GAREM1: variants seen among roughly 807,000 people sequenced by gnomAD.
GAREM1 encodes the protein GRB2-associated and regulator of MAPK protein 1.
GAREM1 carries 26 observed loss-of-function variants against 71.3 expected under a neutral mutation model. The ratio of observed to expected loss-of-function variants is 0.36; its 90% confidence interval spans 0.27 to 0.51. The LOEUF is 0.51. Ranked by LOEUF, GAREM1 falls within the 20% of genes least tolerant of loss-of-function variation. The pLI, the probability that GAREM1 is intolerant of heterozygous loss-of-function variation, is 0.95. For missense variants in GAREM1, 1,026 were observed against 1,103.1 expected (o/e 0.93, Z 0.99); for synonymous variants, 440 against 433.2 (o/e 1.02, Z -0.20).
intron 1 of GAREM1, among the ~76,000 whole-genome samples, chr18:32,454,881 T>G (rs2048873079): frequency 6.6e-6 from 1 of 152,158 alleles, no homozygotes; most frequent in Non-Finnish European, 1.5e-5. Context: ...TCAGACAAAA[T>G]TTTTGATCCA....
At chr18:32,421,861 T>C (rs2048522474) in intron 1 of GAREM1, among the ~76,000 whole-genome samples, 2 of 152,126 alleles carry the variant, frequency 1.3e-5, no homozygotes, top group Non-Finnish European at 2.9e-5. Context: ...AAGTTACCTT[T>C]CCAGCACATC....
intron 1 of GAREM1, among the ~76,000 whole-genome samples, chr18:32,398,993 C>T (rs1197676777): frequency 6.6e-6 from 1 of 152,164 alleles, no homozygotes; most frequent in East Asian, 1.9e-4. Context: ...GGCTTCATCC[C>T]TGGGATGCAA....
chr18:32,293,635 T>G (rs949360896), intron 3 of GAREM1, among the ~76,000 whole-genome samples: 1 of 152,148 alleles, frequency 6.6e-6, no homozygotes, highest in Admixed American at 6.5e-5. Context: ...AGATCCAAAT[T>G]TATAGGAGTT....
chr18:32,459,560 T>C (rs2048931894), intron 1 of GAREM1, among the ~76,000 whole-genome samples: 1 of 151,816 alleles, frequency 6.6e-6, no homozygotes, highest in Non-Finnish European at 1.5e-5. Context: ...CCTCCTAAAG[T>C]GCATGCTCTC....
intron 1 of GAREM1, among the ~76,000 whole-genome samples, chr18:32,394,618 G>A (rs2048233041): frequency 6.6e-6 from 1 of 152,148 alleles, no homozygotes; most frequent in Admixed American, 6.6e-5. Flanking sequence ...TTGAGAGGAT[G>A]TGGCCTGGCT....
intron 2 of GAREM1, among the ~76,000 whole-genome samples, chr18:32,379,323 G>A (rs1001408862): frequency 4.0e-5 from 6 of 151,794 alleles, no homozygotes; most frequent in African/African-American, 9.7e-5. Flanking sequence ...ATAGATCCAC[G>A]GACCTGCAGC....
chr18:32,292,338 T>C (rs1292054308), intron 3 of GAREM1, among the ~76,000 whole-genome samples: 2 of 152,110 alleles, frequency 1.3e-5, no homozygotes, highest in Non-Finnish European at 2.9e-5. Flanking sequence ...TTTGATGGGG[T>C]TGTTTTTTTC....
In GAREM1 at chr18:32,465,137, C is replaced by G. The variant is rs374113513; in HGVS notation, c.121+5171G>C. On this transcript the variant is annotated intron_variant, in intron 1 of 5. Coordinates refer to ENST00000269209, the MANE Select transcript of GAREM1 (RefSeq NM_001242409.2). Reference sequence around the variant, plus strand: ...GTATTCTTTAAATTATCATTCCCCCCACCCTGGCCATGTGTACTCTCTTAA... The same window carrying G: ...GTATTCTTTAAATTATCATTCCCCCGACCCTGGCCATGTGTACTCTCTTAA... Among the ~76,000 whole-genome samples the G allele has an allele frequency of 4.5e-3, 678 of 152,272 alleles. 2 individuals are homozygous for G. Among genetic ancestry groups the G allele is most frequent in the Middle Eastern group, 0.01 (3 of 294 alleles).
intron 1 of GAREM1, among the ~76,000 whole-genome samples, chr18:32,421,686 T>C (rs2048520910): frequency 6.6e-6 from 1 of 152,172 alleles, no homozygotes; most frequent in African/African-American, 2.4e-5. Context: ...TTTCTCACGC[T>C]TATTCTGTTG....
At chr18:32,403,138 C>G (rs1038491281) in intron 1 of GAREM1, among the ~76,000 whole-genome samples, 1 of 152,112 alleles carries the variant, frequency 6.6e-6, no homozygotes, top group Admixed American at 6.6e-5. Context: ...AAACTCATGG[C>G]CTCAAGTGAT....
chr18:32,444,221 A>G (rs2048766902), intron 1 of GAREM1, among the ~76,000 whole-genome samples: 1 of 152,236 alleles, frequency 6.6e-6, no homozygotes, highest in Non-Finnish European at 1.5e-5. Context: ...GAATATACTG[A>G]AAAACTGAAT....
At chr18:32,402,709 G>T (rs2048326570) in intron 1 of GAREM1, among the ~76,000 whole-genome samples, 1 of 152,060 alleles carries the variant, frequency 6.6e-6, no homozygotes. Context: ...AATACCAGCT[G>T]CTAACTTTTA....
At chr18:32,451,643 T>G (rs916725460) in intron 1 of GAREM1, among the ~76,000 whole-genome samples, 3 of 152,218 alleles carry the variant, frequency 2.0e-5, no homozygotes, top group Admixed American at 1.3e-4. Flanking sequence ...TCTTTCTCTT[T>G]GATTATAAAC....
intron 2 of GAREM1, among the ~76,000 whole-genome samples, chr18:32,331,040 GT>G (rs1361175448): frequency 6.6e-6 from 1 of 152,134 alleles, no homozygotes; most frequent in African/African-American, 2.4e-5. Flanking sequence ...CAAAAAGTCT[GT>G]TCCTCCTTCT....
At chr18:32,303,988 G>A (rs1048054190) in intron 3 of GAREM1, among the ~76,000 whole-genome samples, 1 of 148,872 alleles carries the variant, frequency 6.7e-6, no homozygotes, top group African/African-American at 2.5e-5. Flanking sequence ...AAGAGGGAGG[G>A]AGGGGAGGGG....
chr18:32,271,721 C>G (rs1427499309), intron 4 of GAREM1, among the ~76,000 whole-genome samples: 1 of 152,196 alleles, frequency 6.6e-6, no homozygotes, highest in Non-Finnish European at 1.5e-5. Flanking sequence ...AGCTCTCTCA[C>G]ATTTCCTTCG....
intron 1 of GAREM1, among the ~76,000 whole-genome samples, chr18:32,444,671 G>A (rs2144280629): frequency 6.6e-6 from 1 of 152,226 alleles, no homozygotes; most frequent in Admixed American, 6.6e-5. Context: ...AGCCGTCCCT[G>A]GGAACCCCAA....
At chr18:32,312,485 G>A (rs913656294) in intron 2 of GAREM1, among the ~76,000 whole-genome samples, 4 of 152,154 alleles carry the variant, frequency 2.6e-5, no homozygotes, top group African/African-American at 9.7e-5. Context: ...ACTTCAACAA[G>A]GGCAGCAGAA....
At chr18:32,403,902 CTT>C (rs2144674908) in intron 1 of GAREM1, among the ~76,000 whole-genome samples, 1 of 152,284 alleles carries the variant, frequency 6.6e-6, no homozygotes, top group South Asian at 2.1e-4. Context: ...GTAAAAATAA[CTT>C]AACCTGTAGA....
Sources: allele counts gnomAD v4.1 joint callset (sites outside exome capture counted in the v4.1 genomes callset), GRCh38; gene constraint gnomAD v4.1.1; transcripts MANE v1.5; gene names NCBI Gene and HGNC (gene_info 2026-07-23, HGNC 2026-07-21).